The following RNLS variants were observed in gnomAD, a reference collection of about 807,000 sequenced individuals.
RNLS encodes renalase.
A neutral mutation model predicts 39.8 loss-of-function variants in RNLS; 39 were observed. The ratio of observed to expected loss-of-function variants is 0.98; its 90% CI spans 0.76 to 1.28. The LOEUF (loss-of-function observed/expected upper bound fraction) is 1.28, where lower values mean the gene tolerates loss of function less well. Among genes scored for constraint, RNLS ranks in the 50% most tolerant of loss-of-function variants. The pLI is 0.00. For synonymous variants in RNLS, 147 were observed against 150.7 expected (o/e 0.98, Z 0.18); for missense variants, 410 against 413.3 (o/e 0.99, Z 0.07).
At chr10:88,560,001 A>G (rs528811831) in intron 4 of RNLS, among the ~76,000 whole-genome samples, 1 of 152,262 alleles carries the variant, frequency 6.6e-6, no homozygotes, top group Non-Finnish European at 1.5e-5. Flanking sequence ...ATATTTTGAT[A>G]CATGTATAAA....
intron 5 of RNLS, among the ~76,000 whole-genome samples, chr10:88,355,097 T>C (rs1376470432): frequency 6.6e-6 from 1 of 152,228 alleles, no homozygotes; most frequent in Non-Finnish European, 1.5e-5. Flanking sequence ...GCATTGGTTA[T>C]TCTAGTTAGC....
chr10:88,254,050 TA>T, the RNLS span, among the ~76,000 whole-genome samples: 1 of 152,272 alleles, frequency 6.6e-6, no homozygotes, highest in South Asian at 2.1e-4. Context: ...GATCATAATA[TA>T]TATGCAATAT....
chr10:88,184,263 TTGA>T, the RNLS span, among the ~76,000 whole-genome samples: 1 of 152,142 alleles, frequency 6.6e-6, no homozygotes, highest in Admixed American at 6.6e-5. Flanking sequence ...TTCCAGCTTA[TTGA>T]TGATACCTTA....
the RNLS span, among the ~76,000 whole-genome samples, chr10:88,176,364 TG>T: frequency 3.3e-5 from 5 of 152,178 alleles, no homozygotes; most frequent in East Asian, 9.7e-4. Flanking sequence ...TTAGTAGAGA[TG>T]GGGTTTCACC....
intron 4 of RNLS, among the ~76,000 whole-genome samples, chr10:88,406,809 C>A (rs1274509769): frequency 1.3e-5 from 2 of 152,012 alleles, no homozygotes; most frequent in African/African-American, 4.8e-5. Context: ...CAACCCAAAT[C>A]CCCATCAATC....
chr10:88,464,644 A>G (rs1843106365), intron 4 of RNLS, among the ~76,000 whole-genome samples: 2 of 152,142 alleles, frequency 1.3e-5, no homozygotes, highest in African/African-American at 4.8e-5. Flanking sequence ...AGAACTTTTT[A>G]CAAATTATGA....
At chr10:88,250,298 C>G in the RNLS span, among the ~76,000 whole-genome samples, 1 of 152,208 alleles carries the variant, frequency 6.6e-6, no homozygotes, top group Admixed American at 6.5e-5. Context: ...ATATTTCACT[C>G]TAATCCTATT....
At position 88,471,296 on chromosome 10, in the gene RNLS, C is replaced by T. The variant is rs1843506240; in HGVS notation, c.526+101607G>A. Among the ~76,000 whole-genome samples, 3 of 152,054 alleles carry T rather than the reference C, an allele frequency of 2.0e-5. No homozygotes were observed. In the South Asian group the frequency reaches 6.2e-4, roughly 32 times the overall value. ...TTGACTTCAATAAATAAGACTGCAA[C>T]ACACTAATTGCAGCCTTGGGTGTGG... On this transcript the variant is annotated intron_variant, in intron 4 of 6. Coordinates refer to ENST00000331772, the MANE Select transcript of RNLS (RefSeq NM_001031709.3).
chr10:88,314,703 G>A, intron 5 of RNLS, 62 bp from the exon 6 acceptor site: 2 of 1,454,154 alleles, frequency 1.4e-6, no homozygotes, highest in Non-Finnish European at 1.9e-6. Flanking sequence ...GCATCTCTCA[G>A]GATTTCAATT....
chr10:88,513,544 A>G (rs968129972), intron 4 of RNLS, among the ~76,000 whole-genome samples: 1 of 152,106 alleles, frequency 6.6e-6, no homozygotes, highest in Non-Finnish European at 1.5e-5. Flanking sequence ...TCATCACTCT[A>G]TGAATCCATT....
chr10:88,490,587 A>G (rs1844821105), intron 4 of RNLS, among the ~76,000 whole-genome samples: 1 of 152,212 alleles, frequency 6.6e-6, no homozygotes, highest in Non-Finnish European at 1.5e-5. Flanking sequence ...AAATAACTTT[A>G]TGAACTGCAA....
intron 4 of RNLS, among the ~76,000 whole-genome samples, chr10:88,386,520 G>T (rs1218814328): frequency 6.6e-6 from 1 of 152,212 alleles, no homozygotes; most frequent in South Asian, 2.1e-4. Context: ...CAAAGGTTAT[G>T]AGAAAGGCAT....
At chr10:88,328,107 C>T (rs1285953655) in intron 5 of RNLS, among the ~76,000 whole-genome samples, 2 of 152,154 alleles carry the variant, frequency 1.3e-5, no homozygotes, top group Non-Finnish European at 2.9e-5. Context: ...AGGGTTTCGC[C>T]ATGTTGGCCA....
chr10:88,238,177 A>G, the RNLS span, among the ~76,000 whole-genome samples: 2 of 152,232 alleles, frequency 1.3e-5, no homozygotes, highest in Non-Finnish European at 2.9e-5. Context: ...CCAATGCTGG[A>G]TTTTTAAAAT....
At chr10:88,291,353 C>G (rs757443250) in intron 6 of RNLS, among the ~76,000 whole-genome samples, 1 of 152,160 alleles carries the variant, frequency 6.6e-6, no homozygotes, top group East Asian at 1.9e-4. Flanking sequence ...TACTGGTTAT[C>G]TAAGAATCCA....
At chr10:88,538,368 T>C (rs1847879234) in intron 4 of RNLS, among the ~76,000 whole-genome samples, 1 of 152,166 alleles carries the variant, frequency 6.6e-6, no homozygotes, top group Non-Finnish European at 1.5e-5. Flanking sequence ...TCCACAAGTA[T>C]TCTAAGACTT....
intron 4 of RNLS, among the ~76,000 whole-genome samples, chr10:88,527,675 C>T (rs1006088310): frequency 2.0e-5 from 3 of 152,022 alleles, no homozygotes; most frequent in South Asian, 2.1e-4. Context: ...CCCTCTTCCC[C>T]CCACATATAC....
At chr10:88,347,157 C>T (rs916681948) in intron 5 of RNLS, among the ~76,000 whole-genome samples, 1 of 152,132 alleles carries the variant, frequency 6.6e-6, no homozygotes, top group Non-Finnish European at 1.5e-5. Flanking sequence ...TGATACTGTT[C>T]TCAACTTGCA....
At chr10:88,215,381 CA>C in the RNLS span, among the ~76,000 whole-genome samples, 10 of 152,182 alleles carry the variant, frequency 6.6e-5, no homozygotes, top group Admixed American at 5.9e-4. Context: ...TAGTAAATAA[CA>C]AACCTTGGAA....
Sources: allele counts gnomAD v4.1 joint callset (sites outside exome capture counted in the v4.1 genomes callset), GRCh38; gene constraint gnomAD v4.1.1; transcripts MANE v1.5; gene names NCBI Gene and HGNC (gene_info 2026-07-23, HGNC 2026-07-21).